PSD2: variants seen among roughly 807,000 people sequenced by gnomAD.
The protein encoded by PSD2 is pleckstrin and Sec7 domain containing 2.
A neutral mutation model predicts 69.8 loss-of-function variants in PSD2; 38 were observed. The ratio of observed to expected loss-of-function variants is 0.54; its 90% CI spans 0.42 to 0.71. PSD2 has a LOEUF of 0.71. Ranked by LOEUF, PSD2 falls within the 30% of genes least tolerant of loss-of-function variation. The probability of loss-of-function intolerance (pLI) is 0.00; values close to 1 mark genes in which losing one functional copy is unlikely to be tolerated. For missense variants in PSD2, 943 were observed against 1,014.5 expected, an observed-to-expected ratio of 0.93 and a Z score of 0.96; for synonymous variants, 412 against 423.0, an observed-to-expected ratio of 0.97 and a Z score of 0.32.
intron 6 of PSD2, 147 bp from the exon 7 acceptor site, chr5:139,822,579 C>A: frequency 1.7e-6 from 1 of 588,042 alleles, no homozygotes; most frequent in Non-Finnish European, 2.9e-6. Flanking sequence ...AGACCTGGAG[C>A]GTCACACAGG....
chr5:139,748,407 A>T, the PSD2 span, among the ~76,000 whole-genome samples: 1 of 152,158 alleles, frequency 6.6e-6, no homozygotes, highest in Non-Finnish European at 1.5e-5. Flanking sequence ...GGCCCCCGGT[A>T]ATCACACAGG....
Position 139,839,932 on chromosome 5 carries a change from T to G in PSD2, c.1969-95T>G. On this transcript the variant is annotated intron_variant, in intron 13 of 14. Coordinates refer to ENST00000274710, the MANE Select transcript of PSD2 (RefSeq NM_032289.4). This position sits in a 1 kb window ranked among gnomAD's most constrained non-coding sequence, Gnocchi z 5.1. ...TGGTGATGCTGGCTAGGCCTTCATT[T>G]CCCTTTGGTGGAGCAGCTCCTGGTA... The G allele has an allele frequency of 7.0e-7, 1 of 1,431,782 alleles. No individual in the cohort carries two copies. The allele number at this position is 1,431,782 out of a possible 1,614,324, so 88.7% of individuals were successfully genotyped here. A position where few individuals can be genotyped will look rare whatever the true frequency, so the allele number is the denominator to read the frequency against.
the PSD2 span, among the ~76,000 whole-genome samples, chr5:139,759,486 G>A: frequency 1.3e-5 from 2 of 152,068 alleles, no homozygotes; most frequent in East Asian, 1.9e-4. Context: ...GCTGTCCCCC[G>A]CCCTGGGCTC....
rs77827808 is a variant in PSD2 at position 139,811,001 on chromosome 5, G to T, written c.371+1190G>T. On this transcript the variant is annotated intron_variant, in intron 2 of 14. Coordinates refer to ENST00000274710, the MANE Select transcript of PSD2 (RefSeq NM_032289.4). Reference sequence around the variant, plus strand: ...ATTGGTGGCTCTGACCCTGGGCTGAGAGCTCCCCACAAGCAGGGCTCTGTC... The same window carrying T: ...ATTGGTGGCTCTGACCCTGGGCTGATAGCTCCCCACAAGCAGGGCTCTGTC... Among the ~76,000 whole-genome samples, 238 of 152,286 alleles carry T rather than the reference G, an allele frequency of 1.6e-3. 1 individual carries two copies. The highest frequency in any genetic ancestry group is 5.5e-3 in the African/African-American group (230 of 41,554).
chr5:139,815,463 C>T (rs1760096886), intron 4 of PSD2, among the ~76,000 whole-genome samples: 2 of 152,302 alleles, frequency 1.3e-5, no homozygotes, highest in South Asian at 4.1e-4. Context: ...CCTCCTCTAG[C>T]CAAAATTCTT....
intron 1 of PSD2, among the ~76,000 whole-genome samples, chr5:139,806,422 C>A (rs1759808768): frequency 6.6e-6 from 1 of 152,224 alleles, no homozygotes; most frequent in Admixed American, 6.5e-5. Flanking sequence ...CAGAGGGAGG[C>A]TACTCCTGGG....
intron 2 of PSD2, among the ~76,000 whole-genome samples, chr5:139,811,248 A>G (rs1381378648): frequency 6.6e-6 from 1 of 152,142 alleles, no homozygotes; most frequent in Non-Finnish European, 1.5e-5. Flanking sequence ...GAGAGAGCCT[A>G]ATGAGGCTGC....
chr5:139,767,472 G>A, the PSD2 span, among the ~76,000 whole-genome samples: 3 of 151,958 alleles, frequency 2.0e-5, no homozygotes, highest in Non-Finnish European at 4.4e-5. Context: ...GCACCACCAT[G>A]CCCAGCTAAT....
the PSD2 span, among the ~76,000 whole-genome samples, chr5:139,757,469 A>G: frequency 6.6e-6 from 1 of 152,172 alleles, no homozygotes; most frequent in Non-Finnish European, 1.5e-5. Flanking sequence ...ACCATCAACC[A>G]AAGACTCAAG....
chr5:139,745,525 CG>C, the PSD2 span, among the ~76,000 whole-genome samples: 2 of 152,318 alleles, frequency 1.3e-5, no homozygotes, highest in East Asian at 3.9e-4. Context: ...CATGGGTGGG[CG>C]GGGCCGACGC....
chr5:139,828,242 G>A (rs1760480178), intron 7 of PSD2, among the ~76,000 whole-genome samples: 2 of 152,270 alleles, frequency 1.3e-5, no homozygotes, highest in East Asian at 1.9e-4. Context: ...ACTGAAGGCT[G>A]GGGTAAGCGG....
the PSD2 span, among the ~76,000 whole-genome samples, chr5:139,778,188 C>T: frequency 1.2e-4 from 18 of 152,340 alleles, 1 homozygote; most frequent in African/African-American, 4.3e-4. Flanking sequence ...TCCCAAGGGA[C>T]AGTGCAGGGG....
chr5:139,802,554 T>C lies in PSD2; in HGVS notation c.-51+6579T>C, dbSNP rs191464384. 3.4e-4 allele frequency among the ~76,000 whole-genome samples: 51 copies of C among 151,596 alleles called. No homozygotes were observed. In the East Asian group the frequency reaches 9.6e-3, roughly 29 times the overall value. On this transcript the variant is annotated intron_variant, in intron 1 of 14. Transcript: ENST00000274710. Reference sequence around the variant, plus strand: ...AGTGTGAGTCCAGTGCCCTCCGAAGTTGGAGGAAGGTGGCCCAGTGGTCAG... The same window carrying C: ...AGTGTGAGTCCAGTGCCCTCCGAAGCTGGAGGAAGGTGGCCCAGTGGTCAG...
Position 139,837,071 on chromosome 5 carries a change from T to C in PSD2, c.1594+70T>C, listed in dbSNP as rs1581740125. On this transcript the variant is annotated intron_variant, in intron 10 of 14. Coordinates refer to ENST00000274710, the MANE Select transcript of PSD2 (RefSeq NM_032289.4). This position sits in a 1 kb window ranked among gnomAD's most constrained non-coding sequence, Gnocchi z 5.0. Reference sequence around the variant, plus strand: ...AGAGGGGGGCGCCACGGGCCACTCTTTGGGGACGAACATACAGGTGGACAC... The same window carrying C: ...AGAGGGGGGCGCCACGGGCCACTCTCTGGGGACGAACATACAGGTGGACAC... 1 of 1,594,916 alleles carries C rather than the reference T, an allele frequency of 6.3e-7. No individual in the cohort carries two copies. The highest frequency in any genetic ancestry group is 2.2e-5 in the East Asian group (1 of 44,628).
the PSD2 span, among the ~76,000 whole-genome samples, chr5:139,766,863 C>G: frequency 6.7e-6 from 1 of 150,090 alleles, no homozygotes. Context: ...TTCTTTCTTT[C>G]TTTCTTTCTT....
chr5:139,794,220 G>C (rs2126916412), upstream of PSD2, among the ~76,000 whole-genome samples: 1 of 152,336 alleles, frequency 6.6e-6, no homozygotes, highest in South Asian at 2.1e-4. Context: ...CACAGATTCA[G>C]ATCTCCTGGG....
In PSD2 at chr5:139,809,742, C is replaced by T. The variant is rs542846124; in HGVS notation, c.302C>T (p.Ala101Val). 1 of 1,614,096 alleles carries T rather than the reference C, an allele frequency of 6.2e-7. No homozygotes were observed. Among genetic ancestry groups the T allele is most frequent in the Non-Finnish European group, 8.5e-7 (1 of 1,180,052 alleles). Residue 101 changes from alanine (A) to valine (V), a missense_variant, in exon 2 of 15, where the codon GCT (alanine) becomes GTT (valine). Ala to Val is a moderately conservative substitution (Grantham distance 64). This residue lies in a region of PSD2 where 466 missense variants were observed against 445.0 expected (regional missense o/e 1.05). Transcript: ENST00000274710. ...EDSAESRPWR[A>V]GVLAEGDNAS... ...TCAGCGGAGTCCAGGCCCTGGAGGG[C>T]TGGCGTGCTGGCAGAGGGGGACAAT... is the stretch of plus-strand genomic sequence containing the variant.
upstream of PSD2, among the ~76,000 whole-genome samples, chr5:139,791,037 G>A (rs1759407613): frequency 6.6e-6 from 1 of 151,300 alleles, no homozygotes; most frequent in Non-Finnish European, 1.5e-5. Flanking sequence ...GGCAACAAAA[G>A]TGAAACTTCA....
intron 4 of PSD2, among the ~76,000 whole-genome samples, chr5:139,816,374 A>G (rs1395999088): frequency 6.6e-6 from 1 of 152,254 alleles, no homozygotes; most frequent in Non-Finnish European, 1.5e-5. Flanking sequence ...AACAGGGTCC[A>G]CACATTGCAC....
Sources: gnomAD v4.1 joint callset for allele counts (sites outside exome capture counted in the v4.1 genomes callset) on GRCh38, gnomAD v4.1.1 for gene constraint, gnomAD v4.1.1 regional missense constraint, Gnocchi (gnomAD v3.1) non-coding constraint, MANE v1.5 for transcripts, NCBI Gene and HGNC (gene_info 2026-07-23, HGNC 2026-07-21) for gene names.